The following LRTM3 variants were observed in gnomAD, a reference collection of about 807,000 sequenced individuals.
LRTM3 encodes leucine-rich repeat transmembrane protein 3.
At chr13:102,745,884 G>A in the LRTM3 span, 1 of 1,551,192 alleles carries the variant, frequency 6.4e-7, no homozygotes, top group Non-Finnish European at 8.7e-7. Context: ...TGTGTAAAAT[G>A]TGTTTGTGGT....
At chr13:102,733,660 A>G in the LRTM3 span, 1 of 1,551,360 alleles carries the variant, frequency 6.4e-7, no homozygotes, top group Non-Finnish European at 8.7e-7. Context: ...TTTTCCCTGT[A>G]AAGAGCCATT....
chr13:102,746,454 A>G, the LRTM3 span: 73 of 1,551,130 alleles, frequency 4.7e-5, no homozygotes, highest in South Asian at 7.7e-4. Context: ...ATTGGAGAGC[A>G]AAGGGTATTT....
the LRTM3 span, chr13:102,747,133 A>G: frequency 1.3e-6 from 2 of 1,550,630 alleles, no homozygotes; most frequent in Admixed American, 2.0e-5. Flanking sequence ...TTTGGGATTC[A>G]TTTCCCTCAT....
At chr13:102,739,861 C>T in the LRTM3 span, 1 of 1,550,064 alleles carries the variant, frequency 6.5e-7, no homozygotes, top group Non-Finnish European at 8.7e-7. Context: ...TTCTATGTTT[C>T]ACATTGACCA....
At chr13:102,758,467 A>G in the LRTM3 span, 1 of 1,540,042 alleles carries the variant, frequency 6.5e-7, no homozygotes, top group Non-Finnish European at 8.8e-7. Context: ...ATAGGAATAA[A>G]AAAGTCACAG....
chr13:102,758,475 C>T, the LRTM3 span: 6 of 1,537,674 alleles, frequency 3.9e-6, no homozygotes, highest in East Asian at 1.2e-4. Context: ...AAAAAAGTCA[C>T]AGTATCAATG....
At chr13:102,743,670 T>C in the LRTM3 span, 5 of 1,550,106 alleles carry the variant, frequency 3.2e-6, no homozygotes, top group Non-Finnish European at 4.4e-6. Context: ...TCCTCTGTAA[T>C]ATGACCATGA....
the LRTM3 span, chr13:102,740,967 A>C: frequency 6.5e-7 from 1 of 1,550,166 alleles, no homozygotes; most frequent in Non-Finnish European, 8.7e-7. Context: ...ATTCCTTCTG[A>C]ACATGGAGGT....
At chr13:102,750,475 G>C in the LRTM3 span, 1 of 790,204 alleles carries the variant, frequency 1.3e-6, no homozygotes. Context: ...ATGCAGCATA[G>C]TATATGAAAA....
At chr13:102,736,238 G>A in the LRTM3 span, 64 of 1,549,460 alleles carry the variant, frequency 4.1e-5, no homozygotes, top group Non-Finnish European at 5.6e-5. Context: ...AATCACATGA[G>A]GACGTCCTGT....
At chr13:102,743,952 C>G in the LRTM3 span, 1 of 1,550,490 alleles carries the variant, frequency 6.4e-7, no homozygotes, top group Admixed American at 2.0e-5. Flanking sequence ...TCCTTTTCCT[C>G]TGTAATATGA....
the LRTM3 span, chr13:102,731,722 AC>A: frequency 6.4e-7 from 1 of 1,551,434 alleles, no homozygotes; most frequent in South Asian, 1.2e-5. Flanking sequence ...TGACTTCGCT[AC>A]TTTTAACTTG....
chr13:102,747,614 C>T, the LRTM3 span: 1 of 1,551,164 alleles, frequency 6.4e-7, no homozygotes, highest in Non-Finnish European at 8.7e-7. Context: ...GAGGTTTCCA[C>T]CAAATGGGAC....
At chr13:102,732,558 C>A in the LRTM3 span, 1 of 1,551,130 alleles carries the variant, frequency 6.4e-7, no homozygotes, top group Non-Finnish European at 8.7e-7. Flanking sequence ...CTTTGTTTTG[C>A]ATTAGATGCT....
At chr13:102,751,404 C>A in the LRTM3 span, among the ~76,000 whole-genome samples, 2 of 147,610 alleles carry the variant, frequency 1.4e-5, no homozygotes, top group South Asian at 4.3e-4. Context: ...CTACTGGTTC[C>A]GTTTCTCTGG....
the LRTM3 span, chr13:102,733,012 A>C: frequency 6.4e-7 from 1 of 1,551,398 alleles, no homozygotes; most frequent in Non-Finnish European, 8.7e-7. Context: ...CCCCTTTTGC[A>C]GGGTCAATCT....
chr13:102,732,054 G>T, the LRTM3 span: 4 of 1,551,282 alleles, frequency 2.6e-6, no homozygotes, highest in East Asian at 2.4e-5. Flanking sequence ...TGCATTTGTT[G>T]TTTGTCCACT....
At chr13:102,738,538 T>G in the LRTM3 span, 3 of 1,550,732 alleles carry the variant, frequency 1.9e-6, no homozygotes, top group African/African-American at 1.4e-5. Flanking sequence ...ATGATTTCAT[T>G]TTCTTCAAAG....
chr13:102,742,282 T>G, the LRTM3 span: 1 of 1,550,250 alleles, frequency 6.5e-7, no homozygotes. Context: ...TTGCCTTCAA[T>G]TTTATCTGTT....
Sources: gnomAD v4.1 joint callset for allele counts (sites outside exome capture counted in the v4.1 genomes callset) on GRCh38, gnomAD v4.1.1 for gene constraint, MANE v1.5 for transcripts, NCBI Gene and HGNC (gene_info 2026-07-23, HGNC 2026-07-21) for gene names.